Variants in MATN2 observed in about 807,000 individuals in gnomAD.
The protein encoded by MATN2 is matrilin 2.
In MATN2, 69 loss-of-function variants were observed where a neutral mutation model predicts 103.2. That is an observed-to-expected ratio of 0.67 (90% CI 0.55 to 0.82). MATN2 has a LOEUF of 0.82. Ranked by LOEUF, MATN2 falls within the 40% of genes least tolerant of loss-of-function variation. MATN2 has a pLI of 0.00. For missense variants in MATN2, 1,023 were observed against 1,211.5 expected, an observed-to-expected ratio of 0.84 and a Z score of 2.31; for synonymous variants, 429 against 450.2, an observed-to-expected ratio of 0.95 and a Z score of 0.60.
intron 12 of MATN2, among the ~76,000 whole-genome samples, chr8:98,019,949 G>T (rs114473334): frequency 0.017 from 2,533 of 152,264 alleles, 64 homozygotes; most frequent in African/African-American, 0.058. Flanking sequence ...CCTCCAGGAA[G>T]AGGGACTCCT....
intron 2 of MATN2, among the ~76,000 whole-genome samples, chr8:97,899,330 G>A (rs890283681): frequency 3.3e-5 from 5 of 152,180 alleles, no homozygotes; most frequent in African/African-American, 1.2e-4. Context: ...TATAGGAAAA[G>A]TAAATTAACG....
chr8:97,937,114 C>G (rs972886000), intron 3 of MATN2, among the ~76,000 whole-genome samples: 1 of 152,114 alleles, frequency 6.6e-6, no homozygotes, highest in Admixed American at 6.6e-5. Context: ...TTTGAGCCTC[C>G]TTTTATTCAG....
At chr8:97,930,910 C>G (rs1001963851) in intron 2 of MATN2, 43 bp from the exon 3 acceptor site, 2 of 1,425,920 alleles carry the variant, frequency 1.4e-6, no homozygotes, top group African/African-American at 2.8e-5. Flanking sequence ...GCCACCACAC[C>G]TGGCCTCTCT....
chr8:97,954,093 G>A, intron 4 of MATN2, among the ~76,000 whole-genome samples: 1 of 152,046 alleles, frequency 6.6e-6, no homozygotes, highest in East Asian at 1.9e-4. Flanking sequence ...TCTCTCAAAA[G>A]TCCCTTACTT....
chr8:98,019,026 A>T (rs1240829309), intron 12 of MATN2, among the ~76,000 whole-genome samples: 2 of 149,278 alleles, frequency 1.3e-5, no homozygotes, highest in East Asian at 3.9e-4. Flanking sequence ...TCTATTATAT[A>T]TAAATATAAT....
chr8:97,935,819 G>A (rs1206675205), intron 3 of MATN2, among the ~76,000 whole-genome samples: 1 of 152,202 alleles, frequency 6.6e-6, no homozygotes, highest in Non-Finnish European at 1.5e-5. Context: ...GTGAGCCTAG[G>A]CATTCTGCAG....
intron 1 of MATN2, among the ~76,000 whole-genome samples, chr8:97,873,984 G>A (rs1817983782): frequency 6.6e-6 from 1 of 152,096 alleles, no homozygotes. Flanking sequence ...AACAGCATTT[G>A]TTGACTTTTC....
chr8:97,886,530 C>G (rs1818433822), intron 1 of MATN2, among the ~76,000 whole-genome samples: 1 of 152,144 alleles, frequency 6.6e-6, no homozygotes, highest in Non-Finnish European at 1.5e-5. Flanking sequence ...CAGTGCCTGG[C>G]ACATAGGAGA....
At chr8:97,878,921 A>T (rs187040642) in intron 1 of MATN2, among the ~76,000 whole-genome samples, 3 of 152,320 alleles carry the variant, frequency 2.0e-5, no homozygotes, top group Admixed American at 2.0e-4. Flanking sequence ...CAAACATAGT[A>T]CGTAGAGGAA....
At chr8:97,987,263 G>C (rs368223944) in intron 6 of MATN2, among the ~76,000 whole-genome samples, 2 of 152,098 alleles carry the variant, frequency 1.3e-5, no homozygotes, top group African/African-American at 4.8e-5. Context: ...ACGTGATAGG[G>C]AGCAACACAC....
In MATN2 at chr8:97,931,175, G is replaced by A. The variant is rs1349156473; in HGVS notation, c.365G>A (p.Arg122His). 1.1e-5 allele frequency: 17 copies of A among 1,613,422 alleles called. No homozygotes were observed. The highest frequency in any genetic ancestry group is 2.7e-5 in the African/African-American group (2 of 74,918). ...TTCAAGAGGAAGTCCGAGGTGGAGC[G>A]TGCTGTCAAGAGGATGCGGCATCTG... ...KTFKRKSEVE[R>H]AVKRMRHLST... The change falls in exon 3 of 19, where the codon CGT becomes CAT. Residue 122 changes from arginine to histidine, a missense_variant. Physicochemically the swap from Arg to His is conservative, Grantham distance 29 (BLOSUM62 0). Transcript: ENST00000254898. This position sits in a 1 kb window ranked among gnomAD's most constrained non-coding sequence, Gnocchi z 4.1.
chr8:97,929,125 T>C (rs932462878), intron 2 of MATN2, among the ~76,000 whole-genome samples: 2 of 152,152 alleles, frequency 1.3e-5, no homozygotes, highest in African/African-American at 4.8e-5. Context: ...CTTGCCAGGC[T>C]ACTGGTATTT....
chr8:98,032,363 C>T, intron 16 of MATN2, 46 bp downstream of exon 16: 1 of 1,384,846 alleles, frequency 7.2e-7, no homozygotes, highest in Middle Eastern at 1.8e-4. Flanking sequence ...GTGGAGGGAA[C>T]CATGGTTTCC....
intron 5 of MATN2, among the ~76,000 whole-genome samples, chr8:97,964,449 T>TTTTTTTTTTTTTTC (rs1811419582): frequency 1.4e-5 from 2 of 139,816 alleles, no homozygotes; most frequent in Non-Finnish European, 3.1e-5. Flanking sequence ...GGCCCAATTC[T>TTTTTTTTTTTTTTC]TTTTTTTTTT....
At chr8:97,898,100 C>T (rs1363705805) in intron 2 of MATN2, among the ~76,000 whole-genome samples, 1 of 152,148 alleles carries the variant, frequency 6.6e-6, no homozygotes, top group Non-Finnish European at 1.5e-5. Context: ...GATGTTCTCT[C>T]CTCAGCTTGC....
chr8:97,962,011 C>G (rs1474913434), intron 5 of MATN2, among the ~76,000 whole-genome samples: 1 of 152,174 alleles, frequency 6.6e-6, no homozygotes, highest in Non-Finnish European at 1.5e-5. Flanking sequence ...CATATGGGCT[C>G]AGCGTAATTA....
intron 1 of MATN2, among the ~76,000 whole-genome samples, chr8:97,884,127 C>CT (rs1172289712): frequency 1.4e-5 from 2 of 147,864 alleles, no homozygotes; most frequent in African/African-American, 5.0e-5. Flanking sequence ...TGTATACTTT[C>CT]TTTTTTTTCT....
rs2130067924 is a variant in MATN2 at position 97,910,547 on chromosome 8, G to A, written c.143-20406G>A. Among the ~76,000 whole-genome samples the A allele has an allele frequency of 1.3e-5, 2 of 152,290 alleles. 1 individual carries two copies. ...GTGGCAAATGTCCTAAAGCTTTCTTGAACAGTACCAGGTTGCTGGGAATGT... is the reference window on the plus strand; with the variant it reads ...GTGGCAAATGTCCTAAAGCTTTCTTAAACAGTACCAGGTTGCTGGGAATGT... On this transcript the variant is annotated intron_variant, in intron 2 of 18. Transcript: ENST00000254898.
At position 97,892,895 on chromosome 8, in the gene MATN2, G is replaced by A. The variant is rs116391705; in HGVS notation, c.142+4653G>A. ...TGTTCCCAGTGAAGGTCCTGCCCAC[G>A]GAGAGCCCTGTGGGACAGCAGGTGG... On this transcript the variant is annotated intron_variant, in intron 2 of 18. Coordinates refer to ENST00000254898, the MANE Select transcript of MATN2 (RefSeq NM_002380.5). Among the ~76,000 whole-genome samples the A allele has an allele frequency of 2.2e-3, 334 of 152,212 alleles. 1 individual carries two copies. Among genetic ancestry groups the A allele is most frequent in the African/African-American group, 7.7e-3 (318 of 41,534 alleles).
Sources: allele counts gnomAD v4.1 joint callset (sites outside exome capture counted in the v4.1 genomes callset), GRCh38; gene constraint gnomAD v4.1.1; non-coding constraint Gnocchi (gnomAD v3.1); transcripts MANE v1.5; gene names NCBI Gene and HGNC (gene_info 2026-07-23, HGNC 2026-07-21).